RORA: variants seen among roughly 807,000 people sequenced by gnomAD.
RORA encodes nuclear receptor ROR-alpha.
RORA carries 7 observed loss-of-function variants against 69.5 expected under a neutral mutation model. The ratio of observed to expected loss-of-function variants is 0.10; its 90% CI spans 0.06 to 0.19. RORA has a LOEUF of 0.19. RORA is among the 10% of genes least tolerant of loss of function. RORA has a pLI of 1.00. For missense variants in RORA, 457 were observed against 663.0 expected (o/e 0.69, Z 3.41); for synonymous variants, 261 against 240.8 (o/e 1.08, Z -0.78).
intron 1 of RORA, among the ~76,000 whole-genome samples, chr15:60,726,458 C>G (rs1266861783): frequency 6.6e-6 from 1 of 152,214 alleles, no homozygotes; most frequent in Non-Finnish European, 1.5e-5. Flanking sequence ...TTTGCCACAG[C>G]ACAGGGCACA....
chr15:60,970,773 T>C (rs1440030604), intron 1 of RORA, among the ~76,000 whole-genome samples: 1 of 152,164 alleles, frequency 6.6e-6, no homozygotes, highest in East Asian at 1.9e-4. Flanking sequence ...GTTGTGTATT[T>C]TTTCCTTGAC....
chr15:60,863,807 CTTTTT>C (rs71122881), intron 1 of RORA, among the ~76,000 whole-genome samples: 21 of 135,084 alleles, frequency 1.6e-4, no homozygotes, highest in Admixed American at 2.2e-4. Flanking sequence ...CTGTCAGAAT[CTTTTT>C]TTTTTTTTTT....
At chr15:60,669,388 G>A (rs2070431483) in intron 2 of RORA, among the ~76,000 whole-genome samples, 1 of 149,922 alleles carries the variant, frequency 6.7e-6, no homozygotes, top group African/African-American at 2.4e-5. Context: ...TAACGTAGTT[G>A]GTCACAGGAG....
chr15:61,025,190 C>T (rs1204748931), intron 1 of RORA, among the ~76,000 whole-genome samples: 1 of 152,128 alleles, frequency 6.6e-6, no homozygotes, highest in Non-Finnish European at 1.5e-5. Context: ...AAAGTTCTAG[C>T]CATTCTTATG....
At chr15:60,502,889 T>G (rs375174624) in intron 7 of RORA, 22 bp from the exon 8 acceptor site, 1 of 1,420,704 alleles carries the variant, frequency 7.0e-7, no homozygotes, top group East Asian at 2.3e-5. Flanking sequence ...CAGAAATGGT[T>G]TGGGTCATTT....
intron 2 of RORA, among the ~76,000 whole-genome samples, chr15:60,548,804 A>AT (rs2067148637): frequency 6.6e-6 from 1 of 151,994 alleles, no homozygotes; most frequent in East Asian, 1.9e-4. Flanking sequence ...TGCCTGGCTA[A>AT]TTTTTTGTAT....
chr15:60,519,004 C>G (rs1008864436), intron 3 of RORA, among the ~76,000 whole-genome samples: 1 of 152,174 alleles, frequency 6.6e-6, no homozygotes, highest in Non-Finnish European at 1.5e-5. Context: ...ACTTTTATTA[C>G]AGTATATTTT....
chr15:60,907,123 C>T (rs924275559), intron 1 of RORA, among the ~76,000 whole-genome samples: 1 of 152,082 alleles, frequency 6.6e-6, no homozygotes, highest in Non-Finnish European at 1.5e-5. Context: ...AGCCCCCCAC[C>T]AACATTATCA....
intron 1 of RORA, among the ~76,000 whole-genome samples, chr15:60,921,150 CT>C (rs1162028566): frequency 6.6e-6 from 1 of 152,194 alleles, no homozygotes; most frequent in African/African-American, 2.4e-5. Context: ...TCACATATGC[CT>C]ACCCCATGCC....
chr15:60,784,020 C>T (rs2899662), intron 1 of RORA, among the ~76,000 whole-genome samples: 41,823 of 152,200 alleles, frequency 0.27, 6,891 homozygotes, highest in Admixed American at 0.41. Context: ...ACGGCTTCCA[C>T]ATGCTGGTCA....
chr15:61,173,565 T>C (rs1412538053), intron 1 of RORA, among the ~76,000 whole-genome samples: 2 of 152,224 alleles, frequency 1.3e-5, no homozygotes, highest in Admixed American at 6.5e-5. Flanking sequence ...GTGAATCTTC[T>C]AGGTCTGCAC....
intron 1 of RORA, among the ~76,000 whole-genome samples, chr15:61,056,927 T>A (rs2078104712): frequency 6.6e-6 from 1 of 152,242 alleles, no homozygotes; most frequent in South Asian, 2.1e-4. Context: ...TCTTGGCTCC[T>A]GACTTTTGTC....
intron 2 of RORA, among the ~76,000 whole-genome samples, chr15:60,654,431 A>G (rs1399289734): frequency 2.6e-5 from 4 of 152,204 alleles, no homozygotes; most frequent in Non-Finnish European, 5.9e-5. Flanking sequence ...AAGCAAACAG[A>G]AACCCATCCC....
At chr15:60,569,361 C>A (rs111650581) in intron 2 of RORA, among the ~76,000 whole-genome samples, 1 of 151,670 alleles carries the variant, frequency 6.6e-6, no homozygotes, top group Admixed American at 6.6e-5. Context: ...CCTAGGAGTT[C>A]CAGGTTACAG....
chr15:60,631,227 A>G (rs1234616056), intron 2 of RORA, among the ~76,000 whole-genome samples: 6 of 151,994 alleles, frequency 3.9e-5, no homozygotes, highest in African/African-American at 4.8e-5. Flanking sequence ...TCTTTTCCCA[A>G]TCTTAAGCAG....
chr15:60,794,454 G>T (rs1595719777), intron 1 of RORA, among the ~76,000 whole-genome samples: 1 of 152,008 alleles, frequency 6.6e-6, no homozygotes, highest in East Asian at 1.9e-4. Context: ...GGTCACCAGA[G>T]AACCATTACA....
intron 1 of RORA, among the ~76,000 whole-genome samples, chr15:60,729,892 T>C (rs76943880): frequency 0.041 from 6,172 of 152,352 alleles, 174 homozygotes; most frequent in Middle Eastern, 0.065. Flanking sequence ...TTGTGGACAA[T>C]AGATTTAGTT....
At chr15:61,072,012 C>A (rs2078373882) in intron 1 of RORA, among the ~76,000 whole-genome samples, 1 of 152,016 alleles carries the variant, frequency 6.6e-6, no homozygotes, top group South Asian at 2.1e-4. Flanking sequence ...ATTCTTTTTA[C>A]TATTTTTTCA....
intron 1 of RORA, among the ~76,000 whole-genome samples, chr15:60,876,091 A>G (rs2073610662): frequency 6.6e-6 from 1 of 152,176 alleles, no homozygotes; most frequent in African/African-American, 2.4e-5. Flanking sequence ...GTTTTATACC[A>G]CCACACCCTC....
Sources: allele counts gnomAD v4.1 joint callset (sites outside exome capture counted in the v4.1 genomes callset), GRCh38; gene constraint gnomAD v4.1.1; transcripts MANE v1.5; gene names NCBI Gene and HGNC (gene_info 2026-07-23, HGNC 2026-07-21).